Variants in FLT4 observed in about 807,000 individuals in gnomAD.
FLT4 encodes the protein fms related receptor tyrosine kinase 4.
In FLT4, 30 loss-of-function variants were observed where a neutral mutation model predicts 163.2. The observed-to-expected ratio is 0.18, with a 90% confidence interval of 0.14 to 0.25. The LOEUF is 0.25. Ranked by LOEUF, FLT4 falls within the 10% of genes least tolerant of loss-of-function variation. FLT4 has a pLI of 1.00. For synonymous variants in FLT4, 884 were observed against 789.5 expected (o/e 1.12, Z -2.01); for missense variants, 1,510 against 1,863.8 (o/e 0.81, Z 3.50).
intron 29 of FLT4, among the ~76,000 whole-genome samples, chr5:180,604,799 C>A (rs1241904959): frequency 6.6e-6 from 1 of 152,160 alleles, no homozygotes; most frequent in African/African-American, 2.4e-5. Context: ...TCTGGGACTC[C>A]CAATTTTATA....
Position 180,628,865 on chromosome 5 carries a change from G to GAA in FLT4, c.1103+16_1103+17insTT. ...GGAAGGGTATCGGCGGGGTCGGTGG[G>GAA]GAGCCAGGGCTGTTACCACTGGAAC... On this transcript the variant is annotated intron_variant, in intron 8 of 29. Coordinates refer to ENST00000261937, the MANE Select transcript of FLT4 (RefSeq NM_182925.5). 3 of 1,558,948 alleles carry GAA rather than the reference G, an allele frequency of 1.9e-6. No individual in the cohort carries two copies. Among genetic ancestry groups the GAA allele is most frequent in the Non-Finnish European group, 2.6e-6 (3 of 1,139,024 alleles).
intron 13 of FLT4, 56 bp downstream of exon 13, chr5:180,621,486 G>A: frequency 6.3e-7 from 1 of 1,594,864 alleles, no homozygotes; most frequent in Non-Finnish European, 8.5e-7. Context: ...GGCAAAGGCA[G>A]AGGCAGCTAC....
intron 1 of FLT4, among the ~76,000 whole-genome samples, chr5:180,640,017 G>A (rs1377260057): frequency 6.6e-6 from 1 of 152,202 alleles, no homozygotes; most frequent in Non-Finnish European, 1.5e-5. Flanking sequence ...CCTCTTCTCT[G>A]TACTGTCAGC....
At position 180,623,992 on chromosome 5, in the gene FLT4, G is replaced by A. The variant is rs751517485; in HGVS notation, c.1491C>T (p.Ala497=). 1.2e-5 allele frequency: 19 copies of A among 1,613,344 alleles called. No homozygotes were observed. Among genetic ancestry groups the A allele is most frequent in the African/African-American group, 6.7e-5 (5 of 74,908 alleles). Residue 497 remains alanine, a synonymous_variant, in exon 11 of 30, where the codon GCC becomes GCT. Coordinates refer to ENST00000261937, the MANE Select transcript of FLT4 (RefSeq NM_182925.5). This position sits in a 1 kb window ranked among gnomAD's most constrained non-coding sequence, Gnocchi z 5.8. Reference sequence around the variant, plus strand: ...TGTCCAGGCTCTCGATGGGGTTCACGGCATCCTGCGTGGTCACCGCCCTCC... The same window carrying A: ...TGTCCAGGCTCTCGATGGGGTTCACAGCATCCTGCGTGGTCACCGCCCTCC... ...RDWRAVTTQD[A]VNPIESLDTW...
chr5:180,604,946 T>C (rs1934630745), intron 29 of FLT4, among the ~76,000 whole-genome samples: 1 of 152,206 alleles, frequency 6.6e-6, no homozygotes, highest in South Asian at 2.1e-4. Context: ...GGTGCCCTGG[T>C]TTTAGAAAAG....
At chr5:180,609,161 A>C in intron 28 of FLT4, 108 bp from the exon 29 acceptor site, 1 of 866,682 alleles carries the variant, frequency 1.2e-6, no homozygotes, top group Admixed American at 1.8e-5. Flanking sequence ...CGGCTGACCT[A>C]ACACCTGTCC....
At chr5:180,627,895 G>A (rs1309003338) in intron 8 of FLT4, among the ~76,000 whole-genome samples, 1 of 152,196 alleles carries the variant, frequency 6.6e-6, no homozygotes, top group African/African-American at 2.4e-5. Context: ...AGGTGCCTTG[G>A]ATGGACACCG....
intron 13 of FLT4, 124 bp downstream of exon 13, chr5:180,621,418 G>T: frequency 6.8e-7 from 1 of 1,462,460 alleles, no homozygotes; most frequent in East Asian, 2.3e-5. Flanking sequence ...ATAGTCAGGA[G>T]GGGTAGCTCC....
intron 1 of FLT4, among the ~76,000 whole-genome samples, chr5:180,644,003 G>T (rs959376000): frequency 2.6e-5 from 4 of 152,136 alleles, no homozygotes. Context: ...TGTATTTTTA[G>T]TAGAGATGGG....
intron 1 of FLT4, among the ~76,000 whole-genome samples, chr5:180,639,323 G>A (rs181536893): frequency 9.9e-6 from 1 of 101,008 alleles, no homozygotes; most frequent in Non-Finnish European, 2.1e-5. Context: ...GGATGGATGG[G>A]TGGATGGATG....
intron 23 of FLT4, among the ~76,000 whole-genome samples, chr5:180,614,862 C>A (rs1044927266): frequency 6.6e-6 from 1 of 151,950 alleles, no homozygotes. Context: ...CCATCCTGCT[C>A]CTCCCCCTCT....
Position 180,616,914 on chromosome 5 carries a change from G to A in FLT4, c.3082C>T (p.Leu1028=), listed in dbSNP as rs1455413671. ...GGGAAGCTCACCTTTCGGGAAGCCAGGAACTCCATCCCTCTGGCCACCTGG... is the reference window on the plus strand; with the variant it reads ...GGGAAGCTCACCTTTCGGGAAGCCAAGAACTCCATCCCTCTGGCCACCTGG... ...SFQVARGMEF[L]ASRKCIHRDL... The change falls in exon 22 of 30, where the codon CTG becomes TTG. Residue 1028 remains leucine, a synonymous_variant. Transcript: ENST00000261937. 3.1e-6 allele frequency: 5 copies of A among 1,613,226 alleles called. No homozygotes were observed. Among genetic ancestry groups the A allele is most frequent in the Non-Finnish European group, 4.2e-6 (5 of 1,179,810 alleles).
In FLT4 at chr5:180,649,589, G is replaced by T; in HGVS notation, c.-44C>A. ...GGTCCGACCCGAGCGGCCGCGGCTC[G>T]GGGCTGAAAGTGTCCGCGCGGGCGC... On this transcript the variant is annotated 5_prime_UTR_variant, in exon 1 of 30. Coordinates refer to ENST00000261937, the MANE Select transcript of FLT4 (RefSeq NM_182925.5). 1 of 1,216,726 alleles carries T rather than the reference G, an allele frequency of 8.2e-7. No individual in the cohort carries two copies. The highest frequency in any genetic ancestry group is 4.3e-5 in the Admixed American group (1 of 23,382). The allele number at this position is 1,216,726 out of a possible 1,614,324, so 75.4% of individuals were successfully genotyped here. A position where few individuals can be genotyped will look rare whatever the true frequency, so the allele number is the denominator to read the frequency against.
At chr5:180,609,727 C>A (rs1762027288) in intron 28 of FLT4, 178 bp downstream of exon 28, 3 of 713,710 alleles carry the variant, frequency 4.2e-6, no homozygotes, top group Non-Finnish European at 7.4e-6. Flanking sequence ...CAGAAAGCAG[C>A]TGTGAGTCGT....
rs1042878744 is a variant in FLT4, at chr5:180,629,055, A to T, written c.986-56T>A. ...AGGACTGACCCGTCGTGGACTGACC[A>T]GGGACTCCCCCCACGGCCCCTGCAG... On this transcript the variant is annotated intron_variant, in intron 7 of 29. Coordinates refer to ENST00000261937, the MANE Select transcript of FLT4 (RefSeq NM_182925.5). 132 of 1,516,910 alleles carry T rather than the reference A, an allele frequency of 8.7e-5. 1 individual carries two copies. The highest frequency in any genetic ancestry group is 1.2e-4 in the Non-Finnish European group (129 of 1,093,470). 94.0% of individuals were successfully genotyped at this position (1,516,910 alleles called of 1,614,324 possible). A position where few individuals can be genotyped will look rare whatever the true frequency, so the allele number is the denominator to read the frequency against.
chr5:180,610,086 C>T, intron 27 of FLT4, 61 bp from the exon 28 acceptor site: 1 of 1,610,602 alleles, frequency 6.2e-7, no homozygotes, highest in Non-Finnish European at 8.5e-7. Context: ...TCGAACTTCT[C>T]TCCACTGTCC....
intron 10 of FLT4, 122 bp from the exon 11 acceptor site, chr5:180,624,183 T>C: frequency 8.8e-7 from 1 of 1,132,550 alleles, no homozygotes; most frequent in South Asian, 1.3e-5. Context: ...TGGGCGAGGC[T>C]GGCCCTCGGG....
intron 19 of FLT4, 53 bp downstream of exon 19, chr5:180,619,200 G>A: frequency 1.4e-6 from 2 of 1,383,528 alleles, no homozygotes; most frequent in Admixed American, 3.1e-5. Flanking sequence ...CCTCCCGCCC[G>A]CGGCGCCCCG....
At chr5:180,606,923 AC>A (rs374518964) in intron 29 of FLT4, among the ~76,000 whole-genome samples, 4 of 149,104 alleles carry the variant, frequency 2.7e-5, no homozygotes, top group African/African-American at 7.6e-5. Context: ...AAACAAACAA[AC>A]AAACTTAGCT....
Sources: allele counts gnomAD v4.1 joint callset (sites outside exome capture counted in the v4.1 genomes callset), GRCh38; gene constraint gnomAD v4.1.1; non-coding constraint Gnocchi (gnomAD v3.1); transcripts MANE v1.5; gene names NCBI Gene and HGNC (gene_info 2026-07-23, HGNC 2026-07-21).